Variants in SCML4 observed in about 807,000 individuals in gnomAD.
SCML4 encodes sex comb on midleg-like protein 4.
SCML4 carries 34 observed loss-of-function variants against 41.1 expected under a neutral mutation model. The ratio of observed to expected loss-of-function variants is 0.83; its 90% confidence interval spans 0.63 to 1.10. The LOEUF (loss-of-function observed/expected upper bound fraction) is 1.10, where lower values mean the gene tolerates loss of function less well. Ranked by LOEUF, SCML4 falls within the 50% of genes least tolerant of loss-of-function variation. SCML4 has a pLI of 0.00. For synonymous variants in SCML4, 214 were observed against 220.9 expected (o/e 0.97, Z 0.28); for missense variants, 522 against 534.1 (o/e 0.98, Z 0.22).
chr6:107,749,420 T>C (rs1464642616), intron 3 of SCML4, among the ~76,000 whole-genome samples: 1 of 152,120 alleles, frequency 6.6e-6, no homozygotes, highest in Non-Finnish European at 1.5e-5. Context: ...TGTGCCCCGC[T>C]GTCATCCACC....
chr6:107,800,922 C>T (rs936972429), intron 1 of SCML4, among the ~76,000 whole-genome samples: 7 of 152,206 alleles, frequency 4.6e-5, no homozygotes, highest in African/African-American at 1.7e-4. Flanking sequence ...AGCAAGTGCT[C>T]CCCAATATCA....
At chr6:107,774,711 C>T (rs190556443) in intron 1 of SCML4, among the ~76,000 whole-genome samples, 2 of 151,848 alleles carry the variant, frequency 1.3e-5, no homozygotes, top group African/African-American at 2.4e-5. Flanking sequence ...CATCAAGATC[C>T]GAAGTCAACA....
intron 5 of SCML4, among the ~76,000 whole-genome samples, chr6:107,724,362 A>ACTAT (rs1775743827): frequency 6.6e-6 from 1 of 152,192 alleles, no homozygotes; most frequent in Non-Finnish European, 1.5e-5. Context: ...AAGAAGTACA[A>ACTAT]CTATCTCTTA....
At chr6:107,720,337 A>G (rs1775248014) in intron 6 of SCML4, 2 of 973,714 alleles carry the variant, frequency 2.1e-6, no homozygotes, top group Non-Finnish European at 2.4e-6. Context: ...TGAAGGCTGT[A>G]GAGGGTGGCA....
intron 5 of SCML4, among the ~76,000 whole-genome samples, chr6:107,736,938 TAA>T (rs1777130865): frequency 6.6e-6 from 1 of 152,210 alleles, no homozygotes; most frequent in Non-Finnish European, 1.5e-5. Context: ...TCAGCAAAAG[TAA>T]ACAATCTGTC....
intron 5 of SCML4, among the ~76,000 whole-genome samples, chr6:107,738,129 C>A (rs1218923701): frequency 6.6e-6 from 1 of 152,216 alleles, no homozygotes; most frequent in Non-Finnish European, 1.5e-5. Context: ...TGACTTCTGA[C>A]AGAGCCACCA....
upstream of SCML4, among the ~76,000 whole-genome samples, chr6:107,826,111 G>A (rs1234453534): frequency 6.6e-6 from 1 of 151,814 alleles, no homozygotes; most frequent in Non-Finnish European, 1.5e-5. Flanking sequence ...AGGCTTGGTG[G>A]CGCTTGCCTG....
intron 5 of SCML4, among the ~76,000 whole-genome samples, chr6:107,731,535 G>C (rs1313527709): frequency 6.6e-6 from 1 of 152,196 alleles, no homozygotes; most frequent in Admixed American, 6.5e-5. Context: ...AGCAGCTGCA[G>C]AGTGAGCCCT....
chr6:107,746,297 T>C (rs1237194971), intron 4 of SCML4: 3 of 176,212 alleles, frequency 1.7e-5, no homozygotes, highest in Non-Finnish European at 3.5e-5. Flanking sequence ...AGGGGCATGA[T>C]CTGACTTAGA....
At chr6:107,829,146 G>A (rs1431447693), upstream of SCML4, among the ~76,000 whole-genome samples, 1 of 152,158 alleles carries the variant, frequency 6.6e-6, no homozygotes, top group Non-Finnish European at 1.5e-5. Flanking sequence ...TTGGGAGGCT[G>A]CACTGAGAGA....
rs376618487 is a variant in SCML4 at position 107,755,959 on chromosome 6, A to G, written c.157-6146T>C. Among the ~76,000 whole-genome samples, 104 of 152,342 alleles carry G rather than the reference A, an allele frequency of 6.8e-4. 1 individual carries two copies. Among genetic ancestry groups the G allele is most frequent in the South Asian group, 2.7e-3 (13 of 4,830 alleles). ...AGTGGCCAAATTCGGACCAAGAGGA[A>G]CAACAAATAAATAATGTAGTAATGG... On this transcript the variant is annotated intron_variant, in intron 2 of 7. Coordinates refer to ENST00000369020, the MANE Select transcript of SCML4 (RefSeq NM_198081.5).
upstream of SCML4, among the ~76,000 whole-genome samples, chr6:107,825,207 T>C (rs549514256): frequency 8.5e-5 from 13 of 152,376 alleles, no homozygotes; most frequent in Admixed American, 6.5e-4. Context: ...CTCTGGGATA[T>C]TGGCATATTC....
chr6:107,754,329 G>A (rs1454222859), intron 2 of SCML4, among the ~76,000 whole-genome samples: 2 of 151,828 alleles, frequency 1.3e-5, no homozygotes, highest in Non-Finnish European at 2.9e-5. Context: ...TCAGTCATGG[G>A]AATGGGAGAT....
At chr6:107,817,419 C>T (rs1784621492) in intron 1 of SCML4, among the ~76,000 whole-genome samples, 2 of 152,068 alleles carry the variant, frequency 1.3e-5, no homozygotes, top group South Asian at 4.1e-4. Context: ...GAGCTTGAGA[C>T]CAGCCTGGGC....
At chr6:107,790,681 C>T (rs986956208) in intron 1 of SCML4, among the ~76,000 whole-genome samples, 1 of 152,110 alleles carries the variant, frequency 6.6e-6, no homozygotes, top group Admixed American at 6.5e-5. Flanking sequence ...GTCAAACAAG[C>T]GTGCAAACAG....
intron 2 of SCML4, among the ~76,000 whole-genome samples, chr6:107,762,735 T>C (rs1435878267): frequency 6.6e-6 from 1 of 152,120 alleles, no homozygotes; most frequent in Non-Finnish European, 1.5e-5. Flanking sequence ...AGATTCTTCC[T>C]TACAGGCTCA....
upstream of SCML4, among the ~76,000 whole-genome samples, chr6:107,825,892 G>A (rs1453627642): frequency 2.1e-4 from 29 of 138,936 alleles, no homozygotes; most frequent in African/African-American, 6.5e-4. Flanking sequence ...AGCCGATACC[G>A]TGCCACTGCA....
the SCML4 span, among the ~76,000 whole-genome samples, chr6:107,836,902 C>T: frequency 6.6e-6 from 1 of 152,138 alleles, no homozygotes; most frequent in African/African-American, 2.4e-5. Flanking sequence ...TCATCCCCGC[C>T]GATGTCACAT....
rs1319066548 is a variant in SCML4 at position 107,768,087 on chromosome 6, T to G, written c.156+4085A>C. Among the ~76,000 whole-genome samples the G allele has an allele frequency of 2.0e-5, 3 of 149,166 alleles. No individual in the cohort carries two copies. In the East Asian group the frequency reaches 5.9e-4, roughly 29 times the overall value. On this transcript the variant is annotated intron_variant, in intron 2 of 7. Transcript: ENST00000369020. ...ACCAGCCTGGGGAACTCGGTGAGAC[T>G]TCATCTGTACAAAAAAAAAAAAAAA...
Sources: gnomAD v4.1 joint callset for allele counts (sites outside exome capture counted in the v4.1 genomes callset) on GRCh38, gnomAD v4.1.1 for gene constraint, MANE v1.5 for transcripts, NCBI Gene and HGNC (gene_info 2026-07-23, HGNC 2026-07-21) for gene names.